The following CD55 variants were observed in gnomAD, a reference collection of about 807,000 sequenced individuals.
CD55 encodes the protein CD55 molecule (Cromer blood group).
Under a neutral mutation model 45.8 loss-of-function variants are expected in CD55, and 41 were observed. The observed-to-expected ratio is 0.90, with a 90% CI of 0.70 to 1.16. The LOEUF is 1.16. Ranked by LOEUF, CD55 falls within the 50% of genes most tolerant of loss-of-function variation. The pLI is 0.00. For missense variants in CD55, 416 were observed against 469.8 expected (o/e 0.89, Z 1.06); for synonymous variants, 181 against 181.1 (o/e 1.00, Z 0.01).
intron 9 of CD55, among the ~76,000 whole-genome samples, chr1:207,349,582 A>T (rs1471914290): frequency 6.6e-6 from 1 of 152,060 alleles, no homozygotes; most frequent in African/African-American, 2.4e-5. Flanking sequence ...GTATTTCTCT[A>T]TAGAGATCAT....
intron 4 of CD55, among the ~76,000 whole-genome samples, chr1:207,326,452 G>T (rs909810487): frequency 2.6e-5 from 4 of 151,706 alleles, no homozygotes; most frequent in Admixed American, 6.6e-5. Flanking sequence ...AGAACTCAGA[G>T]GTATAAAATG....
rs748456583 is a variant in CD55, at chr1:207,359,535, T to TA, written c.1082-11_1082-10insA. The TA allele has an allele frequency of 5.0e-4, 774 of 1,549,348 alleles. 5 individuals carry two copies. The highest frequency in any genetic ancestry group is 1.1e-4 in the Non-Finnish European group (128 of 1,158,848). On this transcript the variant is annotated splice_polypyrimidine_tract_variant and intron_variant, in intron 9 of 9. Transcript: ENST00000367064. ...TTTTAACTTTTTTTTTTTTTTTTTT[T>TA]TAATTTTCAGGGCACACGTGTTTCA...
At chr1:207,357,844 G>A (rs1178073780) in intron 9 of CD55, among the ~76,000 whole-genome samples, 1 of 152,090 alleles carries the variant, frequency 6.6e-6, no homozygotes, top group Non-Finnish European at 1.5e-5. Context: ...GTTTTTTCCT[G>A]TATGTACATA....
At chr1:207,344,571 G>A (rs990792789) in intron 9 of CD55, among the ~76,000 whole-genome samples, 53 of 152,122 alleles carry the variant, frequency 3.5e-4, no homozygotes, top group Non-Finnish European at 1.5e-4. Flanking sequence ...CTCCTGGCCT[G>A]TAAGGTTTCT....
chr1:207,352,522 C>A (rs1019116393), intron 9 of CD55, among the ~76,000 whole-genome samples: 1 of 152,004 alleles, frequency 6.6e-6, no homozygotes, highest in African/African-American at 2.4e-5. Context: ...TCAAACCAGT[C>A]GGATGTTGGT....
intron 2 of CD55, among the ~76,000 whole-genome samples, chr1:207,323,585 T>C (rs1258219792): frequency 2.0e-5 from 3 of 152,162 alleles, no homozygotes; most frequent in Non-Finnish European, 4.4e-5. Context: ...CTTTGAGATA[T>C]ATGAGTAGAG....
chr1:207,348,136 A>T (rs1655722950), intron 9 of CD55, among the ~76,000 whole-genome samples: 1 of 152,182 alleles, frequency 6.6e-6, no homozygotes, highest in South Asian at 2.1e-4. Flanking sequence ...TTCTTTGAGA[A>T]ATCTCCAAAC....
chr1:207,353,986 A>T (rs1458821785), intron 9 of CD55: 1 of 1,531,478 alleles, frequency 6.5e-7, no homozygotes. Context: ...TAGCACATGC[A>T]TTGCATTTCC....
chr1:207,340,803 A>G lies in CD55; in HGVS notation c.1081+1386A>G, dbSNP rs1655393789. ...TATTGGTTTTATTTTCCTTTGGATA[A>G]ATACCCAGTAGTGGGATTGCTGGAT... is the stretch of plus-strand genomic sequence containing the variant. On this transcript the variant is annotated intron_variant, in intron 9 of 9. Coordinates refer to ENST00000367064, the MANE Select transcript of CD55 (RefSeq NM_000574.5). 5 of 439,666 alleles carry G rather than the reference A, an allele frequency of 1.1e-5. No homozygotes were observed. The East Asian group carries it at 1.8e-4, about 16-fold the overall frequency. The allele number at this position is 439,666 out of a possible 1,614,324, so 27.2% of individuals were successfully genotyped here. A position where few individuals can be genotyped will look rare whatever the true frequency, so the allele number is the denominator to read the frequency against.
rs571473760 is a variant in CD55 at position 207,342,843 on chromosome 1, A to G, written c.1081+3426A>G. Among the ~76,000 whole-genome samples, 8 of 152,072 alleles carry G rather than the reference A, an allele frequency of 5.3e-5. No individual in the cohort carries two copies. The East Asian group carries it at 1.4e-3, about 26-fold the overall frequency. On this transcript the variant is annotated intron_variant, in intron 9 of 9. Transcript: ENST00000367064. ...ATCCAGTCCTGGGCTTTTCTTTGTC[A>G]GGAGACTTTTTATTACAATTCAGTC...
At chr1:207,321,888 G>A (rs1013282863) in intron 1 of CD55, 23 bp downstream of exon 1, 63 of 1,490,884 alleles carry the variant, frequency 4.2e-5, no homozygotes, top group Admixed American at 1.5e-4. Flanking sequence ...CCGGCGGCCG[G>A]GGAAGCCCCT....
chr1:207,347,149 A>T lies in CD55; in HGVS notation c.1081+7732A>T, dbSNP rs1306534636. The T allele has an allele frequency of 6.6e-6, 3 of 456,196 alleles. No homozygotes were observed. The Admixed American group carries it at 7.0e-5, about 11-fold the overall frequency. The allele number at this position is 456,196 out of a possible 1,614,324, so 28.3% of individuals were successfully genotyped here. ...CTGCTTAGGTTTCTCTCCATGGAAGAGGAGAAGACCAGAGGCATCTAGTCA... is the reference window on the plus strand; with the variant it reads ...CTGCTTAGGTTTCTCTCCATGGAAGTGGAGAAGACCAGAGGCATCTAGTCA... On this transcript the variant is annotated intron_variant, in intron 9 of 9. Transcript: ENST00000367064.
In CD55 at chr1:207,331,211, A is replaced by T. The variant is rs1654928409; in HGVS notation, c.768A>T (p.Gly256=). ...RQSVTYACNK[G]FTMIGEHSIY... is the part of the protein sequence containing the mutation. The stretch of plus-strand genomic sequence containing the variant: ...CTGTAACGTATGCATGTAATAAAGG[A>T]TTCACCATGATTGGAGAGCACTCTA... Residue 256 remains glycine, a synonymous_variant, in exon 6 of 10, where the codon GGA becomes GGT. Transcript: ENST00000367064. 6.2e-7 allele frequency: 1 copy of T among 1,613,580 alleles called. No homozygotes were observed. The highest frequency in any genetic ancestry group is 1.7e-4 in the Middle Eastern group (1 of 6,060).
At chr1:207,339,245 G>A (rs1655312919) in intron 8 of CD55, 152 bp from the exon 9 acceptor site, 2 of 595,514 alleles carry the variant, frequency 3.4e-6, no homozygotes, top group Admixed American at 3.2e-5. Context: ...ATGTGTAATT[G>A]TTTTTATAAA....
rs1284313639 is a variant in CD55 at position 207,331,261 on chromosome 1, A to G, written c.818A>G (p.Glu273Gly). ...HSIYCTVNND[E>G]GEWSGPPPEC... is the part of the protein sequence containing the mutation. ...ATTTATTGTACTGTGAATAATGATG[A>G]AGGAGAGTGGAGTGGCCCACCACCT... The change falls in exon 6 of 10, where the codon GAA (glutamate) becomes GGA (glycine). Residue 273 changes from glutamate (E) to glycine (G), a missense_variant. By Grantham distance (98) the Glu-to-Gly change is moderately conservative (BLOSUM62 -2). Transcript: ENST00000367064. 28 of 1,613,710 alleles carry G rather than the reference A, an allele frequency of 1.7e-5. No individual in the cohort carries two copies. The highest frequency in any genetic ancestry group is 6.7e-5 in the Admixed American group (4 of 59,970).
rs758512013 is a variant in CD55 at position 207,331,122 on chromosome 1, G to GCAC, written c.686_688dup (p.Pro229dup). 3 of 1,611,318 alleles carry GCAC rather than the reference G, an allele frequency of 1.9e-6. No individual in the cohort carries two copies. The highest frequency in any genetic ancestry group is 1.7e-6 in the Non-Finnish European group (2 of 1,178,564). ...TGTTTTTTAAGAAATTTATTGTCCA[G>GCAC]CACCACCACAAATTGACAATGGAAT... On this transcript the variant is annotated inframe_insertion, in exon 6 of 10. Coordinates refer to ENST00000367064, the MANE Select transcript of CD55 (RefSeq NM_000574.5).
intron 2 of CD55, among the ~76,000 whole-genome samples, chr1:207,322,992 A>G (rs2102374650): frequency 6.6e-6 from 1 of 152,244 alleles, no homozygotes; most frequent in East Asian, 1.9e-4. Context: ...ATACTTGTAC[A>G]TATTTATAGG....
chr1:207,324,485 A>G lies in CD55; in HGVS notation c.287-74A>G, dbSNP rs28371602. On this transcript the variant is annotated intron_variant, in intron 2 of 9. Coordinates refer to ENST00000367064, the MANE Select transcript of CD55 (RefSeq NM_000574.5). ...TAAAGAAAGGGGGTTATTAGGGTCC[A>G]GATAATTAAATATAGATTATAAAAC... 1,417 of 954,090 alleles carry G rather than the reference A, an allele frequency of 1.5e-3. 6 individuals carry two copies. The African/African-American group carries it at 0.017, about 12-fold the overall frequency. 59.1% of individuals were successfully genotyped at this position (954,090 alleles called of 1,614,324 possible). A position where few individuals can be genotyped will look rare whatever the true frequency, so the allele number is the denominator to read the frequency against.
intron 1 of CD55, 33 bp from the exon 2 acceptor site, chr1:207,322,349 T>C: frequency 6.3e-7 from 1 of 1,582,246 alleles, no homozygotes; most frequent in Non-Finnish European, 8.7e-7. Context: ...CACTTGATAG[T>C]CATTTCCTTC....
Sources: gnomAD v4.1 joint callset for allele counts (sites outside exome capture counted in the v4.1 genomes callset) on GRCh38, gnomAD v4.1.1 for gene constraint, MANE v1.5 for transcripts, NCBI Gene and HGNC (gene_info 2026-07-23, HGNC 2026-07-21) for gene names.